Variants in HAT1 observed in about 807,000 individuals in gnomAD.
HAT1 encodes histone acetyltransferase 1.
A neutral mutation model predicts 56.6 loss-of-function variants in HAT1; 20 were observed. The ratio of observed to expected loss-of-function variants is 0.35; its 90% CI spans 0.25 to 0.51. The LOEUF (loss-of-function observed/expected upper bound fraction) is 0.51, where lower values mean the gene tolerates loss of function less well. HAT1 is among the 20% of genes least tolerant of loss of function. The pLI, the probability that HAT1 is intolerant of heterozygous loss-of-function variation, is 0.95. For synonymous variants in HAT1, 146 were observed against 165.5 expected (o/e 0.88, Z 0.91); for missense variants, 408 against 504.3 (o/e 0.81, Z 1.83).
chr2:171,971,393 C>T (rs1687813834), intron 8 of HAT1, among the ~76,000 whole-genome samples: 1 of 152,132 alleles, frequency 6.6e-6, no homozygotes. Context: ...AAAGATCCTT[C>T]GTGTCCATTT....
At chr2:171,945,455 A>G (rs554192926) in intron 2 of HAT1, among the ~76,000 whole-genome samples, 4 of 151,558 alleles carry the variant, frequency 2.6e-5, no homozygotes, top group Admixed American at 6.6e-5. Context: ...AACTGTTACA[A>G]TATTTTTATA....
chr2:171,931,103 A>G (rs1305576312), intron 2 of HAT1, among the ~76,000 whole-genome samples: 1 of 152,100 alleles, frequency 6.6e-6, no homozygotes, highest in Non-Finnish European at 1.5e-5. Context: ...ACAAAATGCC[A>G]TAGTGTGGCT....
chr2:171,982,652 C>T (rs1688161953), intron 10 of HAT1, among the ~76,000 whole-genome samples: 1 of 152,170 alleles, frequency 6.6e-6, no homozygotes. Flanking sequence ...TTAATAAAGA[C>T]TCAAATGCTA....
chr2:171,975,654 T>A (rs1364423607), intron 8 of HAT1, among the ~76,000 whole-genome samples: 3 of 152,230 alleles, frequency 2.0e-5, no homozygotes, highest in East Asian at 3.8e-4. Flanking sequence ...ATAAAGTTCA[T>A]GGCATATTCC....
chr2:171,978,327 A>T (rs1171475331), intron 9 of HAT1, among the ~76,000 whole-genome samples: 1 of 152,118 alleles, frequency 6.6e-6, no homozygotes, highest in African/African-American at 2.4e-5. Flanking sequence ...AACTACAGGC[A>T]TGAGCCACCA....
intron 4 of HAT1, 186 bp from the exon 5 acceptor site, chr2:171,965,152 C>T (rs1687653560): frequency 1.8e-6 from 1 of 554,940 alleles, no homozygotes; most frequent in African/African-American, 1.9e-5. Flanking sequence ...TTATGCTCAT[C>T]TCAGTTTTGT....
At chr2:171,962,864 C>T (rs544733470) in intron 4 of HAT1, among the ~76,000 whole-genome samples, 2 of 152,138 alleles carry the variant, frequency 1.3e-5, no homozygotes, top group Non-Finnish European at 2.9e-5. Context: ...AACTTTTAGC[C>T]ACAAACATTG....
chr2:171,974,210 A>AAAAAAAAAAAAG (rs1687905080), intron 8 of HAT1, among the ~76,000 whole-genome samples: 1 of 72,694 alleles, frequency 1.4e-5, no homozygotes, highest in Non-Finnish European at 3.3e-5. Context: ...AGAAAAAGAA[A>AAAAAAAAAAAAG]AAAAAAAAAA....
chr2:171,928,163 G>T (rs1686645916), intron 2 of HAT1, among the ~76,000 whole-genome samples: 1 of 152,172 alleles, frequency 6.6e-6, no homozygotes, highest in Admixed American at 6.5e-5. Flanking sequence ...GGGATTACAG[G>T]CATGAGCCAC....
rs1451790015 is a variant in HAT1, at chr2:171,983,498, A to G, written c.*146A>G. 3 of 463,026 alleles carry G rather than the reference A, an allele frequency of 6.5e-6. No homozygotes were observed. Among genetic ancestry groups the G allele is most frequent in the East Asian group, 6.6e-5 (2 of 30,426 alleles). The allele number at this position is 463,026 out of a possible 1,614,324, so 28.7% of individuals were successfully genotyped here. On this transcript the variant is annotated 3_prime_UTR_variant, in exon 11 of 11. Coordinates refer to ENST00000264108, the MANE Select transcript of HAT1 (RefSeq NM_003642.4). ...TAGTTGAATATTTTCTTTTGGAGAG[A>G]TTGTATATTTTAAAATACTGTTTAG...
chr2:171,966,835 T>A lies in HAT1; in HGVS notation c.717-8T>A, dbSNP rs754131919. Reference sequence around the variant, plus strand: ...TATTTTAATTTTAAAATAATTTCTTTACTGTAGTCAGATGCTGATTTTGAC... The same window carrying A: ...TATTTTAATTTTAAAATAATTTCTTAACTGTAGTCAGATGCTGATTTTGAC... On this transcript the variant is annotated splice_region_variant and splice_polypyrimidine_tract_variant and intron_variant, in intron 7 of 10. Transcript: ENST00000264108. 1 of 1,344,452 alleles carries A rather than the reference T, an allele frequency of 7.4e-7. No individual in the cohort carries two copies. Among genetic ancestry groups the A allele is most frequent in the Non-Finnish European group, 1.1e-6 (1 of 943,034 alleles). 83.3% of individuals were successfully genotyped at this position (1,344,452 alleles called of 1,614,324 possible). A position where few individuals can be genotyped will look rare whatever the true frequency, so the allele number is the denominator to read the frequency against.
At chr2:171,966,598 G>T in intron 7 of HAT1, 85 bp downstream of exon 7, 1 of 742,652 alleles carries the variant, frequency 1.3e-6, no homozygotes, top group Non-Finnish European at 2.4e-6. Context: ...TAATAGTGTT[G>T]ATTTGTTTAA....
At chr2:171,957,152 AT>A (rs1290892159) in intron 4 of HAT1, among the ~76,000 whole-genome samples, 1 of 152,220 alleles carries the variant, frequency 6.6e-6, no homozygotes, top group African/African-American at 2.4e-5. Flanking sequence ...GGAAGGCTGT[AT>A]GAACTCTCCA....
chr2:171,931,765 T>C (rs1686754098), intron 2 of HAT1, among the ~76,000 whole-genome samples: 2 of 152,232 alleles, frequency 1.3e-5, no homozygotes, highest in Non-Finnish European at 2.9e-5. Context: ...TGATCCGTAA[T>C]TGGTTGAATC....
chr2:171,974,201 GAAAAAGAAAA>G (rs1687902606), intron 8 of HAT1, among the ~76,000 whole-genome samples: 5 of 83,484 alleles, frequency 6.0e-5, no homozygotes, highest in African/African-American at 2.0e-4. Context: ...AAGAAAAAAA[GAAAAAGAAAA>G]AAAAAAAAAG....
intron 2 of HAT1, among the ~76,000 whole-genome samples, chr2:171,945,187 C>T (rs1687127469): frequency 6.6e-6 from 1 of 151,982 alleles, no homozygotes; most frequent in Non-Finnish European, 1.5e-5. Context: ...TTTTTCTTTA[C>T]ATTCTTCAAT....
intron 4 of HAT1, among the ~76,000 whole-genome samples, chr2:171,954,337 C>T (rs999273245): frequency 6.6e-6 from 1 of 152,140 alleles, no homozygotes; most frequent in Non-Finnish European, 1.5e-5. Flanking sequence ...GATGATCAAG[C>T]TGATCACATT....
rs79326780 is a variant in HAT1, at chr2:171,935,076, G to A, written c.112+9435G>A. 0.034 allele frequency among the ~76,000 whole-genome samples: 5,111 copies of A among 151,460 alleles called. 806 individuals are homozygous for A. The East Asian group carries it at 0.53, about 16-fold the overall frequency. On this transcript the variant is annotated intron_variant, in intron 2 of 10. Coordinates refer to ENST00000264108, the MANE Select transcript of HAT1 (RefSeq NM_003642.4). ...TGGCCTAGAGTGGTTTTCTTTTTACGAGGCTGCTATGAAAAAAATTAAGGC... is the reference window on the plus strand; with the variant it reads ...TGGCCTAGAGTGGTTTTCTTTTTACAAGGCTGCTATGAAAAAAATTAAGGC...
chr2:171,967,474 G>T (rs1307386082), intron 8 of HAT1, among the ~76,000 whole-genome samples: 1 of 152,078 alleles, frequency 6.6e-6, no homozygotes, highest in Non-Finnish European at 1.5e-5. Flanking sequence ...CTTTCAGTAT[G>T]GATTAGCCAT....
Sources: gnomAD v4.1 joint callset for allele counts (sites outside exome capture counted in the v4.1 genomes callset) on GRCh38, gnomAD v4.1.1 for gene constraint, MANE v1.5 for transcripts, NCBI Gene and HGNC (gene_info 2026-07-23, HGNC 2026-07-21) for gene names.